ECHDC3: variants seen among roughly 807,000 people sequenced by gnomAD.
ECHDC3 encodes enoyl-CoA hydratase domain containing 3, also known as enoyl-CoA hydratase domain-containing protein 3, mitochondrial.
Under a neutral mutation model 17.9 loss-of-function variants are expected in ECHDC3, and 20 were observed. The observed-to-expected ratio is 1.12, with a 90% CI of 0.79 to 1.63. The LOEUF (loss-of-function observed/expected upper bound fraction) is 1.63. ECHDC3 is among the 40% of genes most tolerant of loss of function. ECHDC3 has a pLI of 0.00. For missense variants in ECHDC3, 407 were observed against 357.7 expected (o/e 1.14, Z -1.11); for synonymous variants, 177 against 149.7 (o/e 1.18, Z -1.33).
intron 4 of ECHDC3, among the ~76,000 whole-genome samples, chr10:11,762,480 C>T (rs544100096): frequency 6.6e-6 from 1 of 152,320 alleles, no homozygotes; most frequent in African/African-American, 2.4e-5. Context: ...CTGGGGACCC[C>T]TCTTTTCCAT....
intron 4 of ECHDC3, among the ~76,000 whole-genome samples, chr10:11,756,750 AT>A (rs58664530): frequency 0.049 from 7,135 of 144,210 alleles, 498 homozygotes; most frequent in African/African-American, 0.16. Context: ...TCATTCAGTA[AT>A]TTTTTTTTTT....
chr10:11,752,809 G>C (rs1832841052), intron 3 of ECHDC3, among the ~76,000 whole-genome samples: 1 of 152,176 alleles, frequency 6.6e-6, no homozygotes, highest in Non-Finnish European at 1.5e-5. Context: ...GTAAGTGACA[G>C]ACTGGGCGTC....
chr10:11,751,945 ATT>A (rs1441483308), intron 3 of ECHDC3, among the ~76,000 whole-genome samples: 1 of 152,224 alleles, frequency 6.6e-6, no homozygotes, highest in Non-Finnish European at 1.5e-5. Flanking sequence ...GCAGAGTTCT[ATT>A]TATGTCACAT....
chr10:11,744,810 C>G (rs902897), intron 1 of ECHDC3, among the ~76,000 whole-genome samples: 140,417 of 152,230 alleles, frequency 0.92, 65,885 homozygotes, highest in East Asian at 1. Flanking sequence ...GAGGAGAGGG[C>G]CAGGTTTGAG....
chr10:11,763,381 TG>T lies in ECHDC3; in HGVS notation c.752del (p.Gly251AlafsTer90). ...TCGCTGAGCCGTCCGGTGGTGTCCC[TG>T]GGCAAAGCCACCTTCTACAAGCAGC... ...IASLSRPVVS[L>X]GKATFYKQLP... On this transcript the variant is annotated frameshift_variant, in exon 5 of 5. Coordinates refer to ENST00000379215, the MANE Select transcript of ECHDC3 (RefSeq NM_024693.5). LOFTEE classifies it high-confidence loss of function. This position sits in a 1 kb window ranked among gnomAD's most constrained non-coding sequence, Gnocchi z 4.9. 1.3e-6 allele frequency: 1 copy of T among 780,864 alleles called. No individual in the cohort carries two copies. The allele number at this position is 780,864 out of a possible 1,614,324, so 48.4% of individuals were successfully genotyped here.
In ECHDC3 at chr10:11,763,219, C is replaced by G. The variant is rs148402928; in HGVS notation, c.592-5C>G. 2 of 770,324 alleles carry G rather than the reference C, an allele frequency of 2.6e-6. No individual in the cohort carries two copies. Among genetic ancestry groups the G allele is most frequent in the Non-Finnish European group, 4.8e-6 (2 of 413,692 alleles). The allele number at this position is 770,324 out of a possible 1,614,324, so 47.7% of individuals were successfully genotyped here. On this transcript the variant is annotated splice_region_variant and splice_polypyrimidine_tract_variant and intron_variant, in intron 4 of 4. Coordinates refer to ENST00000379215, the MANE Select transcript of ECHDC3 (RefSeq NM_024693.5). This position sits in a 1 kb window ranked among gnomAD's most constrained non-coding sequence, Gnocchi z 4.9. ...ACCTCAGTGACATCCCGTGTCTCCC[C>G]GTAGGTGGCCTTGGAGATGCTCTTT...
Position 11,764,039 on chromosome 10 carries a change from T to C in ECHDC3, c.*495T>C. 1.2e-6 allele frequency: 1 copy of C among 810,100 alleles called. No individual in the cohort carries two copies. Among genetic ancestry groups the C allele is most frequent in the Non-Finnish European group, 1.5e-6 (1 of 669,820 alleles). 50.2% of individuals were successfully genotyped at this position (810,100 alleles called of 1,614,324 possible). A position where few individuals can be genotyped will look rare whatever the true frequency, so the allele number is the denominator to read the frequency against. On this transcript the variant is annotated 3_prime_UTR_variant, in exon 5 of 5. Coordinates refer to ENST00000379215, the MANE Select transcript of ECHDC3 (RefSeq NM_024693.5). The stretch of plus-strand genomic sequence containing the variant: ...ATGCCTATGGCTTTGAATAATCTTA[T>C]GTGATTTAAATAAATTAAATCTTTA...
intron 3 of ECHDC3, among the ~76,000 whole-genome samples, chr10:11,753,402 A>G (rs1003812256): frequency 6.6e-6 from 1 of 152,108 alleles, no homozygotes. Context: ...TAATAATTAT[A>G]TGCTTTTTTA....
At position 11,749,500 on chromosome 10, in the gene ECHDC3, G is replaced by A. The variant is rs1477528217; in HGVS notation, c.298G>A (p.Gly100Arg). 1.1e-5 allele frequency: 18 copies of A among 1,613,882 alleles called. No individual in the cohort carries two copies. The highest frequency in any genetic ancestry group is 1.4e-5 in the Non-Finnish European group (16 of 1,180,016). Residue 100 changes from glycine (G) to arginine (R), a missense_variant, in exon 3 of 5, where the codon GGG (glycine) becomes AGG (arginine). By Grantham distance (125) the Gly-to-Arg change is moderately radical. Coordinates refer to ENST00000379215, the MANE Select transcript of ECHDC3 (RefSeq NM_024693.5). ...DLKVIIISAE[G>R]PVFSSGHDLK... ...TCAATTGGAAACATTTGCAGCTGAG[G>A]GGCCTGTGTTTTCTTCTGGGCATGA... is the stretch of plus-strand genomic sequence containing the variant.
chr10:11,752,992 A>T lies in ECHDC3; in HGVS notation c.391-2416A>T, dbSNP rs559018768. Among the ~76,000 whole-genome samples, 4 of 152,386 alleles carry T rather than the reference A, an allele frequency of 2.6e-5. No homozygotes were observed. In the East Asian group the frequency reaches 5.8e-4, roughly 22 times the overall value. On this transcript the variant is annotated intron_variant, in intron 3 of 4. Coordinates refer to ENST00000379215, the MANE Select transcript of ECHDC3 (RefSeq NM_024693.5). ...ATATTATTTATAGTTTGTTACTATT[A>T]CAAAATAATGATTTGGTGAGCATCT...
At position 11,742,430 on chromosome 10, in the gene ECHDC3, T is replaced by A. The variant is rs1832703370; in HGVS notation, c.-147T>A. On this transcript the variant is annotated 5_prime_UTR_variant, in exon 1 of 5. Transcript: ENST00000379215. ...GGGGCGTCCCCGCGAAGCCTGGGCC[T>A]GTCAGGCGGTTCCGTCCGGGTCTCG... 1.4e-6 allele frequency: 1 copy of A among 740,196 alleles called. No homozygotes were observed. Among genetic ancestry groups the A allele is most frequent in the Non-Finnish European group, 1.8e-6 (1 of 554,876 alleles). 45.9% of individuals were successfully genotyped at this position (740,196 alleles called of 1,614,324 possible). A position where few individuals can be genotyped will look rare whatever the true frequency, so the allele number is the denominator to read the frequency against.
intron 4 of ECHDC3, among the ~76,000 whole-genome samples, chr10:11,756,157 T>A (rs979967491): frequency 2.0e-5 from 3 of 152,224 alleles, no homozygotes; most frequent in African/African-American, 7.2e-5. Context: ...GAATCTCCTG[T>A]GCGTGGTATG....
chr10:11,761,451 T>A (rs1832950226), intron 4 of ECHDC3, among the ~76,000 whole-genome samples: 1 of 152,228 alleles, frequency 6.6e-6, no homozygotes, highest in Non-Finnish European at 1.5e-5. Context: ...CCTGTGTGTG[T>A]CTCCGGCTAG....
In ECHDC3 at chr10:11,743,046, G is replaced by A. The variant is rs60651509; in HGVS notation, c.170+300G>A. 1,101 of 299,356 alleles carry A rather than the reference G, an allele frequency of 3.7e-3. 8 individuals are homozygous for A. Among genetic ancestry groups the A allele is most frequent in the African/African-American group, 0.022 (991 of 45,774 alleles). The allele number at this position is 299,356 out of a possible 1,614,324, so 18.5% of individuals were successfully genotyped here. A position where few individuals can be genotyped will look rare whatever the true frequency, so the allele number is the denominator to read the frequency against. On this transcript the variant is annotated intron_variant, in intron 1 of 4. Transcript: ENST00000379215. Reference sequence around the variant, plus strand: ...TCTGGGCCCCAGACCCGGCCCTAGGGGAAGTGTGGGCTTGGTCGAGCTGCT... The same window carrying A: ...TCTGGGCCCCAGACCCGGCCCTAGGAGAAGTGTGGGCTTGGTCGAGCTGCT...
rs1832774582 is a variant in ECHDC3 at position 11,747,458 on chromosome 10, A to G, written c.280A>G (p.Ile94Val). ...CGCTGACAGCAACGATCTGAAAGTC[A>G]TTATCATCTCGGGTATGTATCTGAT... ...HDADSNDLKV[I>V]IISAEGPVFS... is the part of the protein sequence containing the mutation. The change falls in exon 2 of 5, where the codon ATT (isoleucine) becomes GTT (valine). Residue 94 changes from isoleucine (I) to valine (V), a missense_variant. Physicochemically the swap from Ile to Val is conservative, Grantham distance 29. Transcript: ENST00000379215. 6.2e-7 allele frequency: 1 copy of G among 1,613,626 alleles called. No homozygotes were observed. The highest frequency in any genetic ancestry group is 1.3e-5 in the African/African-American group (1 of 74,928).
At chr10:11,759,370 AC>A (rs56254553) in intron 4 of ECHDC3, among the ~76,000 whole-genome samples, 8,056 of 64,762 alleles carry the variant, frequency 0.12, 437 homozygotes, top group East Asian at 0.28. Flanking sequence ...AAAAAAAAAA[AC>A]AAAAAAAAAA....
At chr10:11,747,558 A>G in intron 2 of ECHDC3, 88 bp downstream of exon 2, 2 of 1,482,990 alleles carry the variant, frequency 1.3e-6, no homozygotes, top group African/African-American at 1.4e-5. Context: ...CCTTTATTTA[A>G]CTGGAGAATT....
In ECHDC3 at chr10:11,755,583, C is replaced by A. The variant is rs1832877937; in HGVS notation, c.566C>A (p.Ala189Asp). ...VGLFCSTPGV[A>D]LARAVPRKVA... ...CTCTTCTGTTCTACCCCTGGGGTTG[C>A]CTTGGCAAGAGCAGTGCCTAGAAAG... is the stretch of plus-strand genomic sequence containing the variant. The change falls in exon 4 of 5, where the codon GCC (alanine) becomes GAC (aspartate). Residue 189 changes from alanine (A) to aspartate (D), a missense_variant. Ala to Asp is a moderately radical substitution (Grantham distance 126). Transcript: ENST00000379215. The A allele has an allele frequency of 1.2e-6, 2 of 1,613,536 alleles. No individual in the cohort carries two copies. Among genetic ancestry groups the A allele is most frequent in the East Asian group, 4.5e-5 (2 of 44,862 alleles).
intron 4 of ECHDC3, among the ~76,000 whole-genome samples, chr10:11,757,268 C>T (rs1299028751): frequency 1.3e-5 from 2 of 152,148 alleles, no homozygotes; most frequent in African/African-American, 4.8e-5. Flanking sequence ...AACCCATTCT[C>T]TCTTAAACTT....
Sources: allele counts gnomAD v4.1 joint callset (sites outside exome capture counted in the v4.1 genomes callset), GRCh38; gene constraint gnomAD v4.1.1; non-coding constraint Gnocchi (gnomAD v3.1); transcripts MANE v1.5; gene names NCBI Gene and HGNC (gene_info 2026-07-23, HGNC 2026-07-21).